LPP: variants seen among roughly 807,000 people sequenced by gnomAD.
The protein encoded by LPP is lipoma-preferred partner.
LPP carries 38 observed loss-of-function variants against 60.4 expected under a neutral mutation model. That is an observed-to-expected ratio of 0.63 (90% CI 0.49 to 0.83). The LOEUF is 0.83. LPP is among the 40% of genes least tolerant of loss of function. LPP has a pLI of 0.00. For missense variants in LPP, 902 were observed against 783.6 expected (o/e 1.15, Z -1.80); for synonymous variants, 328 against 290.8 (o/e 1.13, Z -1.30).
intron 7 of LPP, among the ~76,000 whole-genome samples, chr3:188,626,544 T>A (rs996875440): frequency 3.3e-5 from 5 of 152,106 alleles, no homozygotes; most frequent in Admixed American, 1.3e-4. Context: ...AAGTCTGAGA[T>A]CAAGGTACTC....
intron 8 of LPP, among the ~76,000 whole-genome samples, chr3:188,751,143 A>G (rs948564171): frequency 3.3e-5 from 5 of 152,194 alleles, no homozygotes; most frequent in African/African-American, 4.8e-5. Context: ...GCTGAAATAC[A>G]GTAGCTTTAG....
upstream of LPP, chr3:188,153,526 C>T (rs1715115695): frequency 6.6e-6 from 1 of 152,446 alleles, no homozygotes; most frequent in Non-Finnish European, 1.5e-5. Flanking sequence ...CTGACGCGGC[C>T]GCTTCCTCCT....
intron 2 of LPP, among the ~76,000 whole-genome samples, chr3:188,255,027 C>T (rs1309213349): frequency 6.6e-6 from 1 of 152,222 alleles, no homozygotes; most frequent in Non-Finnish European, 1.5e-5. Context: ...TTAAGTATTA[C>T]TCCTGCCATG....
At chr3:188,641,905 A>G (rs1850215062) in intron 7 of LPP, among the ~76,000 whole-genome samples, 1 of 152,126 alleles carries the variant, frequency 6.6e-6, no homozygotes, top group African/African-American at 2.4e-5. Context: ...TTGAATCTGG[A>G]GGTCTTTGAT....
At chr3:188,564,830 G>T (rs1188144523) in intron 6 of LPP, among the ~76,000 whole-genome samples, 1 of 151,860 alleles carries the variant, frequency 6.6e-6, no homozygotes, top group Admixed American at 6.6e-5. Flanking sequence ...GTTGGACAAG[G>T]ACTTAGCTTT....
intron 1 of LPP, among the ~76,000 whole-genome samples, chr3:188,198,020 TC>T (rs1429459614): frequency 1.3e-5 from 2 of 152,200 alleles, no homozygotes; most frequent in East Asian, 3.9e-4. Context: ...TTGTAAAACC[TC>T]ATTCGTATAC....
intron 6 of LPP, among the ~76,000 whole-genome samples, chr3:188,581,718 C>A (rs527449119): frequency 6.6e-6 from 1 of 152,256 alleles, no homozygotes; most frequent in African/African-American, 2.4e-5. Flanking sequence ...CATTGCTTCG[C>A]TCTATTTTAC....
intron 8 of LPP, 25 bp downstream of exon 8, chr3:188,708,418 C>G: frequency 6.2e-7 from 1 of 1,614,140 alleles, no homozygotes; most frequent in South Asian, 1.1e-5. Context: ...GAGCTGACTT[C>G]TGAAGTAACT....
At chr3:188,718,013 G>T (rs774866773) in intron 8 of LPP, among the ~76,000 whole-genome samples, 27 of 152,032 alleles carry the variant, frequency 1.8e-4, no homozygotes, top group Non-Finnish European at 3.5e-4. Context: ...TAGAGACGAG[G>T]TTTCTCCATG....
chr3:188,354,714 C>T lies in LPP; in HGVS notation c.-10+12995C>T, dbSNP rs530446498. On this transcript the variant is annotated intron_variant, in intron 3 of 11. Coordinates refer to ENST00000617246, the MANE Select transcript of LPP (RefSeq NM_001375462.1). Reference sequence around the variant, plus strand: ...GCACTCTTGTAAACTTTCTAAATTTCTTCAGCCCTCATTGATACCCACACT... The same window carrying T: ...GCACTCTTGTAAACTTTCTAAATTTTTTCAGCCCTCATTGATACCCACACT... 2.6e-5 allele frequency among the ~76,000 whole-genome samples: 4 copies of T among 152,256 alleles called. No homozygotes were observed. In the South Asian group the frequency reaches 8.3e-4, roughly 32 times the overall value.
intron 1 of LPP, among the ~76,000 whole-genome samples, chr3:188,166,402 TGG>T (rs1719957217): frequency 2.6e-5 from 4 of 152,152 alleles, no homozygotes; most frequent in African/African-American, 9.7e-5. Flanking sequence ...CTCACTCATG[TGG>T]GAGATATTGG....
intron 7 of LPP, among the ~76,000 whole-genome samples, chr3:188,662,715 T>G (rs1473635485): frequency 6.6e-6 from 1 of 152,232 alleles, no homozygotes; most frequent in Non-Finnish European, 1.5e-5. Context: ...GGCACAAAAA[T>G]TAAAGCTATT....
chr3:188,687,850 C>G (rs1036386504), intron 7 of LPP, among the ~76,000 whole-genome samples: 9 of 150,516 alleles, frequency 6.0e-5, no homozygotes, highest in Non-Finnish European at 8.8e-5. Flanking sequence ...TCTCGGCTCA[C>G]TGCAACCTCC....
chr3:188,417,394 C>T (rs992629092), intron 4 of LPP, among the ~76,000 whole-genome samples: 1 of 151,712 alleles, frequency 6.6e-6, no homozygotes, highest in African/African-American at 2.4e-5. Context: ...AGTTGTTTAC[C>T]AAGCAGAAAA....
intron 9 of LPP, among the ~76,000 whole-genome samples, chr3:188,806,952 T>C (rs960210523): frequency 2.0e-5 from 3 of 151,948 alleles, no homozygotes; most frequent in African/African-American, 7.2e-5. Context: ...AGAAAGCTAA[T>C]TCATTTCTGC....
chr3:188,753,729 A>G, intron 8 of LPP, among the ~76,000 whole-genome samples: 1 of 151,816 alleles, frequency 6.6e-6, no homozygotes, highest in East Asian at 1.9e-4. Flanking sequence ...CACTCATCCT[A>G]GTGGCAGTCA....
chr3:188,330,081 G>A (rs1759574163), intron 2 of LPP, among the ~76,000 whole-genome samples: 1 of 151,978 alleles, frequency 6.6e-6, no homozygotes, highest in Non-Finnish European at 1.5e-5. Context: ...CTAGAAAGAG[G>A]TTGCCCAATA....
intron 7 of LPP, among the ~76,000 whole-genome samples, chr3:188,659,810 G>GCGCA (rs1553784058): frequency 1.6e-5 from 2 of 128,482 alleles, no homozygotes; most frequent in African/African-American, 5.3e-5. Flanking sequence ...TAGATCCTAT[G>GCGCA]CACACACACA....
At chr3:188,427,070 T>C (rs1232425523) in intron 4 of LPP, among the ~76,000 whole-genome samples, 2 of 152,192 alleles carry the variant, frequency 1.3e-5, no homozygotes, top group Non-Finnish European at 2.9e-5. Context: ...TGCGCTATGT[T>C]TTTGCAGTGG....
Sources: allele counts gnomAD v4.1 joint callset (sites outside exome capture counted in the v4.1 genomes callset), GRCh38; gene constraint gnomAD v4.1.1; transcripts MANE v1.5; gene names NCBI Gene and HGNC (gene_info 2026-07-23, HGNC 2026-07-21).